Variants in CNOT10 observed in about 807,000 individuals in gnomAD.
CNOT10 encodes CCR4-NOT transcription complex, subunit 10.
A neutral mutation model predicts 94.6 loss-of-function variants in CNOT10; 30 were observed. That is an observed-to-expected ratio of 0.32 (90% CI 0.24 to 0.43). The LOEUF (loss-of-function observed/expected upper bound fraction) is 0.43, where lower values mean the gene tolerates loss of function less well. CNOT10 is among the 20% of genes least tolerant of loss of function. The pLI is 1.00. For synonymous variants in CNOT10, 289 were observed against 301.6 expected (o/e 0.96, Z 0.43); for missense variants, 759 against 877.2 (o/e 0.87, Z 1.70).
intron 13 of CNOT10, among the ~76,000 whole-genome samples, chr3:32,747,853 C>T (rs903911867): frequency 6.6e-6 from 1 of 152,116 alleles, no homozygotes; most frequent in African/African-American, 2.4e-5. Context: ...GAGGCTGAGG[C>T]GGGAGAATTG....
intron 10 of CNOT10, chr3:32,731,187 A>G (rs1462930600): frequency 2.6e-5 from 4 of 152,244 alleles, no homozygotes; most frequent in African/African-American, 4.8e-5. Flanking sequence ...GGCCTTCTCT[A>G]TACACAATTA....
At chr3:32,689,558 T>C (rs189779845) in intron 1 of CNOT10, among the ~76,000 whole-genome samples, 36 of 152,178 alleles carry the variant, frequency 2.4e-4, no homozygotes, top group African/African-American at 8.7e-4. Context: ...GGAAAATGTC[T>C]AAAGAACATC....
At chr3:32,703,104 T>C (rs112068772) in intron 1 of CNOT10, among the ~76,000 whole-genome samples, 8,634 of 149,798 alleles carry the variant, frequency 0.058, 456 homozygotes, top group African/African-American at 0.14. Flanking sequence ...TTTTGTATTT[T>C]TAGTAGTGAC....
At chr3:32,699,960 C>T (rs1575209082) in intron 1 of CNOT10, among the ~76,000 whole-genome samples, 2 of 149,762 alleles carry the variant, frequency 1.3e-5, no homozygotes, top group Non-Finnish European at 3.0e-5. Flanking sequence ...GCTTTAGGAA[C>T]AAACATATCA....
At chr3:32,764,094 A>C in intron 15 of CNOT10, 1 of 197,130 alleles carries the variant, frequency 5.1e-6, no homozygotes, top group Non-Finnish European at 1.0e-5. Flanking sequence ...ATTGCACTCC[A>C]GCCTGGGCGG....
At chr3:32,735,725 T>G (rs1260197286) in intron 12 of CNOT10, among the ~76,000 whole-genome samples, 4 of 152,032 alleles carry the variant, frequency 2.6e-5, no homozygotes, top group African/African-American at 9.7e-5. Flanking sequence ...AACAGAAAAT[T>G]TATTAAAATA....
In CNOT10 at chr3:32,688,622, A is replaced by T. The variant is rs190128533; in HGVS notation, c.22+3140A>T. Among the ~76,000 whole-genome samples, 280 of 152,160 alleles carry T rather than the reference A, an allele frequency of 1.8e-3. 1 individual carries two copies. Among genetic ancestry groups the T allele is most frequent in the African/African-American group, 6.5e-3 (271 of 41,514 alleles). Reference sequence around the variant, plus strand: ...AAAAAAAAAAATAATACTCAGAAGAAAAAAATGAGTAAGAGAGGCTGTCTG... The same window carrying T: ...AAAAAAAAAAATAATACTCAGAAGATAAAAATGAGTAAGAGAGGCTGTCTG... On this transcript the variant is annotated intron_variant, in intron 1 of 18. Coordinates refer to ENST00000328834, the MANE Select transcript of CNOT10 (RefSeq NM_015442.3).
intron 13 of CNOT10, among the ~76,000 whole-genome samples, chr3:32,755,769 TTTC>T (rs977162253): frequency 9.2e-5 from 14 of 151,820 alleles, no homozygotes; most frequent in Admixed American, 2.0e-4. Context: ...TTTTTTTTTT[TTTC>T]TTCTTTTTTT....
intron 17 of CNOT10, chr3:32,769,336 G>A (rs950876325): frequency 2.6e-5 from 4 of 155,996 alleles, no homozygotes; most frequent in African/African-American, 9.6e-5. Flanking sequence ...GACTGGATCA[G>A]AGAGAAACTG....
At chr3:32,761,704 C>T (rs1274208754) in intron 14 of CNOT10, among the ~76,000 whole-genome samples, 3 of 151,744 alleles carry the variant, frequency 2.0e-5, no homozygotes, top group South Asian at 2.1e-4. Flanking sequence ...TACAGGTGCA[C>T]GCCACTATGC....
intron 4 of CNOT10, 101 bp from the exon 5 acceptor site, chr3:32,713,126 C>A: frequency 2.2e-6 from 2 of 916,746 alleles, no homozygotes; most frequent in Non-Finnish European, 3.2e-6. Flanking sequence ...AAGACTTATG[C>A]TTTGCTATTT....
chr3:32,698,772 T>C (rs1697195608), intron 1 of CNOT10, among the ~76,000 whole-genome samples: 5 of 152,172 alleles, frequency 3.3e-5, no homozygotes, highest in Admixed American at 3.3e-4. Flanking sequence ...GTTAGTTCTG[T>C]TGACAACTGG....
intron 15 of CNOT10, 98 bp from the exon 16 acceptor site, chr3:32,764,357 A>T: frequency 1.6e-6 from 2 of 1,266,898 alleles, no homozygotes; most frequent in Non-Finnish European, 2.2e-6. Context: ...AAAAGAAAAG[A>T]AAAGAAAATA....
At chr3:32,694,927 G>A (rs760914070) in intron 1 of CNOT10, among the ~76,000 whole-genome samples, 2 of 152,090 alleles carry the variant, frequency 1.3e-5, no homozygotes, top group Non-Finnish European at 2.9e-5. Context: ...ATTTCACCAT[G>A]TTGGCCAGGC....
At chr3:32,727,565 G>A in intron 9 of CNOT10, 103 bp from the exon 10 acceptor site, 1 of 746,754 alleles carries the variant, frequency 1.3e-6, no homozygotes, top group East Asian at 2.7e-5. Flanking sequence ...AGGATTATTG[G>A]TGTTAAACAT....
At chr3:32,756,366 A>G (rs763862407) in intron 13 of CNOT10, among the ~76,000 whole-genome samples, 11 of 152,202 alleles carry the variant, frequency 7.2e-5, no homozygotes, top group Non-Finnish European at 1.5e-4. Flanking sequence ...TTTATATTCT[A>G]CGTAATTATA....
intron 13 of CNOT10, among the ~76,000 whole-genome samples, chr3:32,751,995 T>TA (rs1473723147): frequency 6.6e-6 from 1 of 152,118 alleles, no homozygotes; most frequent in African/African-American, 2.4e-5. Context: ...AAACCAGGGT[T>TA]AAAATAATTC....
At chr3:32,728,169 T>C (rs567042411) in intron 10 of CNOT10, among the ~76,000 whole-genome samples, 59 of 152,110 alleles carry the variant, frequency 3.9e-4, no homozygotes, top group Non-Finnish European at 7.6e-4. Context: ...GCTAATTTTG[T>C]ATTTTTAGTA....
At chr3:32,746,724 C>A (rs1420794302) in intron 13 of CNOT10, among the ~76,000 whole-genome samples, 2 of 151,706 alleles carry the variant, frequency 1.3e-5, no homozygotes, top group Admixed American at 6.6e-5. Context: ...GTAGTCCCAG[C>A]TACTCGGGAG....
Sources: allele counts gnomAD v4.1 joint callset (sites outside exome capture counted in the v4.1 genomes callset), GRCh38; gene constraint gnomAD v4.1.1; transcripts MANE v1.5; gene names NCBI Gene and HGNC (gene_info 2026-07-23, HGNC 2026-07-21).